IL17RD: variants seen among roughly 807,000 people sequenced by gnomAD.
IL17RD encodes the protein interleukin-17 receptor D.
Under a neutral mutation model 80.5 loss-of-function variants are expected in IL17RD, and 52 were observed. The observed-to-expected ratio is 0.65, with a 90% CI of 0.52 to 0.81. The LOEUF is 0.81. Among genes scored for constraint, IL17RD ranks in the 40% least tolerant of loss-of-function variants. IL17RD has a pLI of 0.00. For missense variants in IL17RD, 1,024 were observed against 955.1 expected (o/e 1.07, Z -0.95); for synonymous variants, 416 against 391.8 (o/e 1.06, Z -0.73).
At chr3:57,160,349 A>G (rs2060295602) in intron 1 of IL17RD, among the ~76,000 whole-genome samples, 1 of 152,210 alleles carries the variant, frequency 6.6e-6, no homozygotes, top group South Asian at 2.1e-4. Flanking sequence ...TGAAGCATGA[A>G]AAATACTTAA....
chr3:57,098,954 G>A (rs572355802), intron 11 of IL17RD, among the ~76,000 whole-genome samples: 122 of 152,330 alleles, frequency 8.0e-4, no homozygotes, highest in Non-Finnish European at 1.6e-3. Context: ...GATTGGAGGG[G>A]CAGATTCTGG....
chr3:57,115,008 G>C (rs1450903094), intron 2 of IL17RD, among the ~76,000 whole-genome samples, 191 bp from the exon 3 acceptor site: 1 of 152,128 alleles, frequency 6.6e-6, no homozygotes, highest in African/African-American at 2.4e-5. Flanking sequence ...TGTTACAGAG[G>C]AATGATTTGT....
chr3:57,163,760 G>A (rs923784001), intron 1 of IL17RD, among the ~76,000 whole-genome samples: 1 of 137,734 alleles, frequency 7.3e-6, no homozygotes, highest in Non-Finnish European at 1.6e-5. Context: ...ACTCAACTAG[G>A]AAGGAATGAC....
chr3:57,101,406 C>G, intron 10 of IL17RD, 43 bp from the exon 11 acceptor site: 3 of 1,315,702 alleles, frequency 2.3e-6, no homozygotes, highest in Non-Finnish European at 3.2e-6. Context: ...GCAAGCAACG[C>G]TTTGTTCTAT....
Position 57,165,147 on chromosome 3 carries a change from C to T in IL17RD, c.126+14G>A. On this transcript the variant is annotated intron_variant, in intron 1 of 12. Coordinates refer to ENST00000296318, the MANE Select transcript of IL17RD (RefSeq NM_017563.5). Reference sequence around the variant, plus strand: ...GAGTTGGCGACGGCAAGAAACCCGCCGCCCTCGCCTTACCCTCCAGCCACA... The same window carrying T: ...GAGTTGGCGACGGCAAGAAACCCGCTGCCCTCGCCTTACCCTCCAGCCACA... The T allele has an allele frequency of 6.6e-7, 1 of 1,514,724 alleles. No individual in the cohort carries two copies. The highest frequency in any genetic ancestry group is 8.8e-7 in the Non-Finnish European group (1 of 1,134,384). 93.8% of individuals were successfully genotyped at this position (1,514,724 alleles called of 1,614,324 possible). A position where few individuals can be genotyped will look rare whatever the true frequency, so the allele number is the denominator to read the frequency against.
chr3:57,103,257 G>A (rs1315054253), intron 8 of IL17RD, 112 bp from the exon 9 acceptor site: 2 of 885,422 alleles, frequency 2.3e-6, no homozygotes, highest in African/African-American at 3.3e-5. Context: ...TGCGGGAAGG[G>A]GTGGGAAGCA....
In IL17RD at chr3:57,164,908, C is replaced by G. The variant is rs1329548449; in HGVS notation, c.126+253G>C. 3 of 1,240,932 alleles carry G rather than the reference C, an allele frequency of 2.4e-6. No homozygotes were observed. In the African/African-American group the frequency reaches 4.8e-5, roughly 20 times the overall value. The allele number at this position is 1,240,932 out of a possible 1,614,324, so 76.9% of individuals were successfully genotyped here. The stretch of plus-strand genomic sequence containing the variant: ...CTCACGCCCGCCCTCTGAATGGGAC[C>G]CCGGCCGGCGGCCGCACCTCATTAG... On this transcript the variant is annotated intron_variant, in intron 1 of 12. Transcript: ENST00000296318.
upstream of IL17RD, among the ~76,000 whole-genome samples, chr3:57,167,305 C>T (rs2060352816): frequency 6.6e-6 from 1 of 152,086 alleles, no homozygotes; most frequent in African/African-American, 2.4e-5. Context: ...CCACAGAAGG[C>T]TGTTCTGGAG....
At chr3:57,128,610 T>C (rs779568586) in intron 1 of IL17RD, among the ~76,000 whole-genome samples, 1 of 152,078 alleles carries the variant, frequency 6.6e-6, no homozygotes, top group Non-Finnish European at 1.5e-5. Context: ...AAGATAAAGA[T>C]ATGTTAGGAC....
At chr3:57,101,737 G>A (rs1046584168) in intron 10 of IL17RD, among the ~76,000 whole-genome samples, 2 of 152,122 alleles carry the variant, frequency 1.3e-5, no homozygotes, top group Non-Finnish European at 2.9e-5. Flanking sequence ...AGTTTTTATC[G>A]ATGTAAAATT....
chr3:57,108,411 C>T (rs1707013146), intron 5 of IL17RD, among the ~76,000 whole-genome samples: 1 of 151,154 alleles, frequency 6.6e-6, no homozygotes, highest in Non-Finnish European at 1.5e-5. Flanking sequence ...TGGCCTCAAA[C>T]TCCTAGGCTC....
chr3:57,165,385 G>C (rs1315401136), upstream of IL17RD: 4 of 1,043,708 alleles, frequency 3.8e-6, no homozygotes, highest in Non-Finnish European at 4.8e-6. Context: ...CGGCGGCAGC[G>C]AAGGGGACCG....
At chr3:57,155,622 G>A (rs775996110) in intron 1 of IL17RD, among the ~76,000 whole-genome samples, 9 of 151,944 alleles carry the variant, frequency 5.9e-5, no homozygotes, top group East Asian at 1.9e-4. Context: ...ACGGAGTCTC[G>A]CTGTGTTGCC....
rs1425730429 is a variant in IL17RD, at chr3:57,090,126, T to C, written c.*6267A>G. The stretch of plus-strand genomic sequence containing the variant: ...TTTCAATGTCAAAAATACAGCACGC[T>C]GTTAAGAGTTCTGTCAGTGCTCATT... On this transcript the variant is annotated 3_prime_UTR_variant, in exon 13 of 13. Coordinates refer to ENST00000296318, the MANE Select transcript of IL17RD (RefSeq NM_017563.5). 6.6e-6 allele frequency: 1 copy of C among 152,642 alleles called. No individual in the cohort carries two copies. The highest frequency in any genetic ancestry group is 1.5e-5 in the Non-Finnish European group (1 of 68,048). 9.5% of individuals were successfully genotyped at this position (152,642 alleles called of 1,614,324 possible).
chr3:57,141,213 C>A (rs763388531), intron 1 of IL17RD, among the ~76,000 whole-genome samples: 1 of 152,132 alleles, frequency 6.6e-6, no homozygotes, highest in South Asian at 2.1e-4. Context: ...ACCCTCATAA[C>A]TTAACCACAG....
At chr3:57,150,554 G>T (rs1708039026) in intron 1 of IL17RD, 1 of 152,232 alleles carries the variant, frequency 6.6e-6, no homozygotes, top group Admixed American at 6.5e-5. Flanking sequence ...TTGCTGGGAA[G>T]TGATGACTTA....
intron 8 of IL17RD, among the ~76,000 whole-genome samples, chr3:57,103,428 TC>T (rs750089876): frequency 1.3e-5 from 2 of 152,162 alleles, no homozygotes; most frequent in Non-Finnish European, 2.9e-5. Context: ...AGCTGGTGAG[TC>T]CCACGTTCTA....
chr3:57,154,259 A>G (rs945703289), intron 1 of IL17RD, among the ~76,000 whole-genome samples: 3 of 122,988 alleles, frequency 2.4e-5, no homozygotes, highest in Non-Finnish European at 4.7e-5. Context: ...AAAAAAAAAA[A>G]TTATATATAT....
intron 12 of IL17RD, among the ~76,000 whole-genome samples, chr3:57,097,134 T>C (rs1706696280): frequency 6.6e-6 from 1 of 151,790 alleles, no homozygotes; most frequent in Non-Finnish European, 1.5e-5. Context: ...AGAGCCCTCA[T>C]ACCTGGGACC....
Sources: gnomAD v4.1 joint callset for allele counts (sites outside exome capture counted in the v4.1 genomes callset) on GRCh38, gnomAD v4.1.1 for gene constraint, MANE v1.5 for transcripts, NCBI Gene and HGNC (gene_info 2026-07-23, HGNC 2026-07-21) for gene names.